The following SH3GL2 variants were observed in gnomAD, a reference collection of about 807,000 sequenced individuals.
SH3GL2 encodes the protein endophilin-A1.
SH3GL2 carries 24 observed loss-of-function variants against 46.0 expected under a neutral mutation model. The observed-to-expected ratio is 0.52, with a 90% CI of 0.38 to 0.73. The LOEUF is 0.73. Among genes scored for constraint, SH3GL2 ranks in the 30% least tolerant of loss-of-function variants. The pLI, the probability that SH3GL2 is intolerant of heterozygous loss-of-function variation, is 0.00. For missense variants in SH3GL2, 413 were observed against 424.2 expected (o/e 0.97, Z 0.23); for synonymous variants, 196 against 147.1 (o/e 1.33, Z -2.40).
At chr9:17,683,034 A>G (rs774608542) in intron 1 of SH3GL2, among the ~76,000 whole-genome samples, 1 of 152,148 alleles carries the variant, frequency 6.6e-6, no homozygotes, top group Non-Finnish European at 1.5e-5. Flanking sequence ...AATTTCGGTC[A>G]TAGAGCAACT....
intron 7 of SH3GL2, 76 bp downstream of exon 7, chr9:17,791,410 G>C: frequency 9.4e-7 from 1 of 1,066,874 alleles, no homozygotes; most frequent in East Asian, 2.4e-5. Flanking sequence ...GGAAATCATA[G>C]AATACATTTG....
chr9:17,596,420 C>T (rs1226473270), intron 1 of SH3GL2, among the ~76,000 whole-genome samples: 2 of 151,762 alleles, frequency 1.3e-5, no homozygotes, highest in Non-Finnish European at 2.9e-5. Context: ...GGAAAGAGGG[C>T]AGCTAAGACA....
chr9:17,700,045 T>C (rs925336491), intron 1 of SH3GL2, among the ~76,000 whole-genome samples: 1 of 144,872 alleles, frequency 6.9e-6, no homozygotes, highest in African/African-American at 2.7e-5. Context: ...GCTGATGATC[T>C]CTGTGCAAGA....
At chr9:17,660,392 G>A (rs80284115) in intron 1 of SH3GL2, among the ~76,000 whole-genome samples, 6,772 of 152,174 alleles carry the variant, frequency 0.045, 502 homozygotes, top group African/African-American at 0.15. Flanking sequence ...TGCCTACAGC[G>A]TTCTACCCTG....
chr9:17,728,327 A>G (rs1005246622), intron 1 of SH3GL2, among the ~76,000 whole-genome samples: 3 of 152,118 alleles, frequency 2.0e-5, no homozygotes, highest in African/African-American at 7.2e-5. Context: ...TACCACAGCA[A>G]TTAAATCAAA....
chr9:17,635,176 C>T lies in SH3GL2; in HGVS notation c.45+55889C>T, dbSNP rs868584735. ...CCTATAGGCCCCAGTGCATGTCATT[C>T]CCTCTGTGTGTCCATGTGTTTTCAT... On this transcript the variant is annotated intron_variant, in intron 1 of 8. Coordinates refer to ENST00000380607, the MANE Select transcript of SH3GL2 (RefSeq NM_003026.5). 1.6e-4 allele frequency among the ~76,000 whole-genome samples: 25 copies of T among 152,222 alleles called. 1 individual carries two copies. Among genetic ancestry groups the T allele is most frequent in the African/African-American group, 2.6e-4 (11 of 41,550 alleles).
chr9:17,640,894 A>G (rs1819664608), intron 1 of SH3GL2, among the ~76,000 whole-genome samples: 1 of 152,160 alleles, frequency 6.6e-6, no homozygotes, highest in Non-Finnish European at 1.5e-5. Context: ...AGTTAATAGC[A>G]TAGTAGTTTG....
intron 1 of SH3GL2, among the ~76,000 whole-genome samples, chr9:17,586,600 A>G (rs1818381918): frequency 6.6e-6 from 1 of 152,154 alleles, no homozygotes. Flanking sequence ...AGGGCTCAGG[A>G]AACTTACAGT....
chr9:17,768,104 G>A (rs1038007900), intron 3 of SH3GL2, among the ~76,000 whole-genome samples: 19 of 152,276 alleles, frequency 1.2e-4, no homozygotes, highest in African/African-American at 3.8e-4. Flanking sequence ...GGGCACAGTA[G>A]CTCACGCCTA....
intron 1 of SH3GL2, among the ~76,000 whole-genome samples, chr9:17,636,339 G>A (rs10963170): frequency 0.027 from 4,118 of 152,188 alleles, 73 homozygotes; most frequent in Middle Eastern, 0.058. Flanking sequence ...TGCCTGACCT[G>A]TCTGGAATTT....
At chr9:17,589,627 T>A in intron 1 of SH3GL2, 1 of 152,168 alleles carries the variant, frequency 6.6e-6, no homozygotes, top group East Asian at 1.9e-4. Context: ...AGTAGAGGAG[T>A]TGACTGTTAA....
chr9:17,682,694 A>G (rs1446278950), intron 1 of SH3GL2, among the ~76,000 whole-genome samples: 1 of 151,876 alleles, frequency 6.6e-6, no homozygotes, highest in African/African-American at 2.4e-5. Context: ...AAAAAAAAAA[A>G]AAAGGAAAAC....
chr9:17,747,052 G>A lies in SH3GL2; in HGVS notation c.46-14G>A. 6.4e-7 allele frequency: 1 copy of A among 1,567,728 alleles called. No homozygotes were observed. Among genetic ancestry groups the A allele is most frequent in the South Asian group, 1.1e-5 (1 of 89,034 alleles). On this transcript the variant is annotated splice_polypyrimidine_tract_variant and intron_variant, in intron 1 of 8. Coordinates refer to ENST00000380607, the MANE Select transcript of SH3GL2 (RefSeq NM_003026.5). ...CTGTTTATAATAATTCTCCTTTGTG[G>A]TTATTTTCTACAGAAAGTGAGTGAG... is the stretch of plus-strand genomic sequence containing the variant.
At chr9:17,616,245 A>C (rs1343887873) in intron 1 of SH3GL2, among the ~76,000 whole-genome samples, 1 of 152,210 alleles carries the variant, frequency 6.6e-6, no homozygotes, top group Non-Finnish European at 1.5e-5. Context: ...TTTATAAAAG[A>C]AATATGAGGC....
intron 3 of SH3GL2, among the ~76,000 whole-genome samples, chr9:17,762,774 C>A (rs1179365852): frequency 6.6e-6 from 1 of 152,158 alleles, no homozygotes; most frequent in Non-Finnish European, 1.5e-5. Flanking sequence ...TTACCCAGAA[C>A]CTTCTTGGTA....
chr9:17,732,008 G>A (rs1183318327), intron 1 of SH3GL2, among the ~76,000 whole-genome samples: 5 of 152,128 alleles, frequency 3.3e-5, no homozygotes, highest in African/African-American at 4.8e-5. Context: ...GAGATACTGT[G>A]ATAGGGAAAC....
chr9:17,667,902 T>G (rs574305116), intron 1 of SH3GL2, among the ~76,000 whole-genome samples: 1 of 152,340 alleles, frequency 6.6e-6, no homozygotes, highest in South Asian at 2.1e-4. Context: ...CTCTTAAGAC[T>G]AAGGATGTTG....
At chr9:17,750,181 G>T (rs1168844561) in intron 2 of SH3GL2, among the ~76,000 whole-genome samples, 1 of 152,060 alleles carries the variant, frequency 6.6e-6, no homozygotes, top group East Asian at 1.9e-4. Flanking sequence ...TTTCTCGCCT[G>T]TTAATTGATT....
rs146740472 is a variant in SH3GL2, at chr9:17,789,742, C to G, written c.624+192C>G. 20 of 1,355,036 alleles carry G rather than the reference C, an allele frequency of 1.5e-5. No homozygotes were observed. In the African/African-American group the frequency reaches 2.6e-4, roughly 18 times the overall value. The allele number at this position is 1,355,036 out of a possible 1,614,324, so 83.9% of individuals were successfully genotyped here. ...GAAATAGAAAAGTTTCTTCTGCATTCCTGTAGTTTAACTAGATTCTCGACT... is the reference window on the plus strand; with the variant it reads ...GAAATAGAAAAGTTTCTTCTGCATTGCTGTAGTTTAACTAGATTCTCGACT... On this transcript the variant is annotated intron_variant, in intron 6 of 8. Coordinates refer to ENST00000380607, the MANE Select transcript of SH3GL2 (RefSeq NM_003026.5).
Sources: gnomAD v4.1 joint callset for allele counts (sites outside exome capture counted in the v4.1 genomes callset) on GRCh38, gnomAD v4.1.1 for gene constraint, MANE v1.5 for transcripts, NCBI Gene and HGNC (gene_info 2026-07-23, HGNC 2026-07-21) for gene names.